Variants in EGLN1 observed in about 807,000 individuals in gnomAD.
EGLN1 encodes the protein egl nine homolog 1.
In EGLN1, 17 loss-of-function variants were observed where a neutral mutation model predicts 38.3. The observed-to-expected ratio is 0.44, with a 90% CI of 0.30 to 0.67. The LOEUF is 0.67. Ranked by LOEUF, EGLN1 falls within the 30% of genes least tolerant of loss-of-function variation. The pLI, the probability that EGLN1 is intolerant of heterozygous loss-of-function variation, is 0.08. For synonymous variants in EGLN1, 283 were observed against 257.5 expected, an observed-to-expected ratio of 1.10 and a Z score of -0.95; for missense variants, 477 against 603.3, an observed-to-expected ratio of 0.79 and a Z score of 2.19.
At chr1:231,380,501 A>T (rs1400019201) in intron 1 of EGLN1, among the ~76,000 whole-genome samples, 1 of 151,282 alleles carries the variant, frequency 6.6e-6, no homozygotes, top group Non-Finnish European at 1.5e-5. Flanking sequence ...AAGGGCATAT[A>T]GTTTCCTTAA....
intron 1 of EGLN1, among the ~76,000 whole-genome samples, chr1:231,414,953 G>C (rs1241272991): frequency 6.6e-6 from 1 of 151,874 alleles, no homozygotes; most frequent in Admixed American, 6.6e-5. Context: ...CCCTGGTCTG[G>C]AACTCCTGGG....
At chr1:231,397,933 G>A (rs1688571799) in intron 1 of EGLN1, among the ~76,000 whole-genome samples, 1 of 152,140 alleles carries the variant, frequency 6.6e-6, no homozygotes, top group Admixed American at 6.5e-5. Flanking sequence ...AGGTTCTGAA[G>A]AAACTGATAA....
chr1:231,364,724 A>C lies in EGLN1; in HGVS notation c.*1687T>G, dbSNP rs1687594077. The C allele has an allele frequency of 1.3e-5, 2 of 152,258 alleles. No individual in the cohort carries two copies. Among genetic ancestry groups the C allele is most frequent in the South Asian group, 4.1e-4 (2 of 4,834 alleles). 9.4% of individuals were successfully genotyped at this position (152,258 alleles called of 1,614,324 possible). On this transcript the variant is annotated 3_prime_UTR_variant, in exon 5 of 5. Transcript: ENST00000366641. ...CTATACAGATGCTAAAAATGTCTTA[A>C]GTTGAAATATACAGAAAATTTCTGT...
rs574288484 is a variant in EGLN1 at position 231,421,888 on chromosome 1, TGGCGGCGGC to T, written c.-9_-1del. 18 of 1,430,786 alleles carry T rather than the reference TGGCGGCGGC, an allele frequency of 1.3e-5. No homozygotes were observed. The highest frequency in any genetic ancestry group is 7.5e-5 in the African/African-American group (5 of 66,610). The allele number at this position is 1,430,786 out of a possible 1,614,324, so 88.6% of individuals were successfully genotyped here. On this transcript the variant is annotated 5_prime_UTR_variant, in exon 1 of 5. Transcript: ENST00000366641. The surrounding 1 kb of genome is among the most constrained non-coding windows in gnomAD (Gnocchi z 5.5). ...CCGGGCCCGCCGCTGTCATTGGCCA[TGGCGGCGGC>T]GGCGGCGGCGACGGCGACTGCGGCG...
chr1:231,383,614 G>A (rs1275079159), intron 1 of EGLN1, among the ~76,000 whole-genome samples: 2 of 152,168 alleles, frequency 1.3e-5, no homozygotes, highest in Non-Finnish European at 2.9e-5. Flanking sequence ...TGCCTTGAGA[G>A]AAATGCAAAT....
At chr1:231,382,795 A>C (rs2474624) in intron 1 of EGLN1, among the ~76,000 whole-genome samples, 1 of 151,922 alleles carries the variant, frequency 6.6e-6, no homozygotes, top group Non-Finnish European at 1.5e-5. Flanking sequence ...TGGTGGCTCA[A>C]GCCGGTAATC....
At chr1:231,388,650 TTTG>T (rs71567068) in intron 1 of EGLN1, among the ~76,000 whole-genome samples, 81,814 of 150,760 alleles carry the variant, frequency 0.54, 23,788 homozygotes, top group Non-Finnish European at 0.65. Flanking sequence ...TTTTTGGTTT[TTTG>T]TTGTTGTTGT....
rs1236584160 is a variant in EGLN1, at chr1:231,421,891, C to A, written c.-3G>T. 2.1e-6 allele frequency: 3 copies of A among 1,396,976 alleles called. No individual in the cohort carries two copies. Among genetic ancestry groups the A allele is most frequent in the Admixed American group, 3.4e-5 (1 of 29,356 alleles). 86.5% of individuals were successfully genotyped at this position (1,396,976 alleles called of 1,614,324 possible). On this transcript the variant is annotated 5_prime_UTR_variant, in exon 1 of 5. Transcript: ENST00000366641. The surrounding 1 kb of genome is among the most constrained non-coding windows in gnomAD (Gnocchi z 5.5). ...GGCCCGCCGCTGTCATTGGCCATGG[C>A]GGCGGCGGCGGCGGCGACGGCGACT...
intron 1 of EGLN1, among the ~76,000 whole-genome samples, chr1:231,375,226 T>C (rs1396385704): frequency 6.7e-6 from 1 of 148,740 alleles, no homozygotes; most frequent in African/African-American, 2.5e-5. Context: ...CGGCTAATTT[T>C]TGTATTTTTA....
At chr1:231,418,509 A>G (rs1487294237) in intron 1 of EGLN1, among the ~76,000 whole-genome samples, 2 of 152,200 alleles carry the variant, frequency 1.3e-5, no homozygotes, top group African/African-American at 4.8e-5. Context: ...GACCTCTGCC[A>G]AGTCTGAGCT....
chr1:231,377,369 A>C (rs1310449306), intron 1 of EGLN1, among the ~76,000 whole-genome samples: 1 of 152,236 alleles, frequency 6.6e-6, no homozygotes, highest in Non-Finnish European at 1.5e-5. Context: ...GAGAAGACTA[A>C]GTTAGCTATT....
At chr1:231,402,522 C>T (rs1172658040) in intron 1 of EGLN1, among the ~76,000 whole-genome samples, 1 of 151,734 alleles carries the variant, frequency 6.6e-6, no homozygotes, top group East Asian at 1.9e-4. Flanking sequence ...GCAACCTCTG[C>T]CTCCCAGGTT....
intron 1 of EGLN1, among the ~76,000 whole-genome samples, chr1:231,386,010 A>T (rs1176689730): frequency 1.3e-5 from 2 of 151,976 alleles, no homozygotes; most frequent in African/African-American, 2.4e-5. Context: ...ACAGGGTCTT[A>T]CTTACTATGT....
chr1:231,395,642 C>G (rs1057357993), intron 1 of EGLN1, among the ~76,000 whole-genome samples: 1 of 152,172 alleles, frequency 6.6e-6, no homozygotes, highest in Non-Finnish European at 1.5e-5. Context: ...AATCTAATGA[C>G]GCCAGTGTAT....
At chr1:231,376,738 T>C (rs1318711023) in intron 1 of EGLN1, among the ~76,000 whole-genome samples, 4 of 152,120 alleles carry the variant, frequency 2.6e-5, no homozygotes, top group Non-Finnish European at 4.4e-5. Flanking sequence ...TGAAAAAAAT[T>C]AGGTATATAG....
At chr1:231,378,201 A>C (rs1688003443) in intron 1 of EGLN1, among the ~76,000 whole-genome samples, 1 of 152,180 alleles carries the variant, frequency 6.6e-6, no homozygotes. Context: ...GCCCCAGGAA[A>C]GGCAGCAGTT....
At chr1:231,396,926 ACTCT>A (rs151186750) in intron 1 of EGLN1, among the ~76,000 whole-genome samples, 4,865 of 152,004 alleles carry the variant, frequency 0.032, 256 homozygotes, top group African/African-American at 0.11. Context: ...AATCTGTATA[ACTCT>A]CTCTACCTCC....
intron 1 of EGLN1, among the ~76,000 whole-genome samples, chr1:231,404,939 T>G (rs554872253): frequency 4.6e-5 from 7 of 152,280 alleles, no homozygotes; most frequent in African/African-American, 1.7e-4. Context: ...ACTATTTCCT[T>G]TCTCACAGTG....
At chr1:231,397,405 C>T (rs575693334) in intron 1 of EGLN1, among the ~76,000 whole-genome samples, 53 of 152,346 alleles carry the variant, frequency 3.5e-4, no homozygotes, top group African/African-American at 1.2e-3. Context: ...TCAAATATCC[C>T]TTGGCACAAT....
Sources: allele counts gnomAD v4.1 joint callset (sites outside exome capture counted in the v4.1 genomes callset), GRCh38; gene constraint gnomAD v4.1.1; non-coding constraint Gnocchi (gnomAD v3.1); transcripts MANE v1.5; gene names NCBI Gene and HGNC (gene_info 2026-07-23, HGNC 2026-07-21).